The following ARHGAP15 variants were observed in gnomAD, a reference collection of about 807,000 sequenced individuals.
ARHGAP15 encodes Rho GTPase activating protein 15.
Under a neutral mutation model 63.7 loss-of-function variants are expected in ARHGAP15, and 51 were observed. The observed-to-expected ratio is 0.80, with a 90% CI of 0.64 to 1.01. The LOEUF is 1.01. Ranked by LOEUF, ARHGAP15 falls within the 50% of genes least tolerant of loss-of-function variation. The pLI is 0.00. For synonymous variants in ARHGAP15, 191 were observed against 193.8 expected (o/e 0.99, Z 0.12); for missense variants, 560 against 564.6 (o/e 0.99, Z 0.08).
intron 6 of ARHGAP15, among the ~76,000 whole-genome samples, chr2:143,320,407 C>CCCG (rs1558890268): frequency 6.9e-4 from 27 of 39,046 alleles, no homozygotes; most frequent in African/African-American, 1.9e-3. Context: ...AGGACTTCCC[C>CCCG]ACCCCCCCCC....
chr2:143,276,064 C>T lies in ARHGAP15; in HGVS notation c.474+25464C>T, dbSNP rs568504779. Among the ~76,000 whole-genome samples, 13 of 152,340 alleles carry T rather than the reference C, an allele frequency of 8.5e-5. No homozygotes were observed. In the East Asian group the frequency reaches 2.5e-3, roughly 29 times the overall value. ...CTTCCTTGACTTCCATAGCGAGAAT[C>T]GTTCTTCCCACCTCTACTCTTCTGT... On this transcript the variant is annotated intron_variant, in intron 6 of 13. Coordinates refer to ENST00000295095, the MANE Select transcript of ARHGAP15 (RefSeq NM_018460.4).
At chr2:143,541,808 A>G (rs1316599431) in intron 10 of ARHGAP15, among the ~76,000 whole-genome samples, 1 of 152,202 alleles carries the variant, frequency 6.6e-6, no homozygotes, top group East Asian at 1.9e-4. Flanking sequence ...CCTCCCAGCT[A>G]GGCTACTCAG....
chr2:143,348,595 T>C (rs1241445757), intron 6 of ARHGAP15, among the ~76,000 whole-genome samples: 2 of 152,188 alleles, frequency 1.3e-5, no homozygotes, highest in Non-Finnish European at 2.9e-5. Flanking sequence ...TTAATGCTTA[T>C]GAAGTCATTC....
intron 6 of ARHGAP15, among the ~76,000 whole-genome samples, chr2:143,333,792 G>T (rs1424516474): frequency 6.6e-6 from 1 of 152,100 alleles, no homozygotes; most frequent in African/African-American, 2.4e-5. Flanking sequence ...AGATATAGAA[G>T]AAACAGGAAA....
chr2:143,675,960 T>C (rs1051989797), intron 12 of ARHGAP15, among the ~76,000 whole-genome samples: 2 of 152,228 alleles, frequency 1.3e-5, no homozygotes, highest in Admixed American at 6.5e-5. Flanking sequence ...TCATCTCCAT[T>C]TAAAATTTAT....
chr2:143,426,504 G>T (rs749435824), intron 6 of ARHGAP15, among the ~76,000 whole-genome samples: 1 of 152,070 alleles, frequency 6.6e-6, no homozygotes, highest in Non-Finnish European at 1.5e-5. Context: ...GCTATGCTGC[G>T]AACCGTAGCC....
chr2:143,289,210 GT>G (rs1682265475), intron 6 of ARHGAP15, among the ~76,000 whole-genome samples: 1 of 152,094 alleles, frequency 6.6e-6, no homozygotes, highest in African/African-American at 2.4e-5. Context: ...GTAGTAGTAA[GT>G]TAGGCTAGCA....
chr2:143,666,653 T>A (rs1160635008), intron 12 of ARHGAP15, among the ~76,000 whole-genome samples: 1 of 108,508 alleles, frequency 9.2e-6, no homozygotes, highest in African/African-American at 3.2e-5. Context: ...TGGGAGAAAA[T>A]TTTTGCAACC....
At chr2:143,328,992 T>C (rs900611530) in intron 6 of ARHGAP15, among the ~76,000 whole-genome samples, 6 of 152,218 alleles carry the variant, frequency 3.9e-5, no homozygotes, top group Non-Finnish European at 8.8e-5. Context: ...AATTAAGTTT[T>C]TTAAAAAGTG....
intron 11 of ARHGAP15, among the ~76,000 whole-genome samples, chr2:143,616,111 C>T (rs533278319): frequency 3.9e-5 from 6 of 152,142 alleles, no homozygotes; most frequent in Non-Finnish European, 7.4e-5. Flanking sequence ...GCTACCTAAA[C>T]GAAATATCTA....
At chr2:143,662,104 A>G (rs1681836612) in intron 12 of ARHGAP15, among the ~76,000 whole-genome samples, 1 of 152,184 alleles carries the variant, frequency 6.6e-6, no homozygotes, top group South Asian at 2.1e-4. Flanking sequence ...TGTAGGCTCC[A>G]CCTCTGGGGG....
chr2:143,234,597 A>G lies in ARHGAP15; in HGVS notation c.384+5929A>G, dbSNP rs114587040. On this transcript the variant is annotated intron_variant, in intron 5 of 13. Transcript: ENST00000295095. ...AGCTATCCTGCCACTTCTCAGGGAC[A>G]AGATTGTGCTTCAGTTTTTCTTATT... is the stretch of plus-strand genomic sequence containing the variant. Among the ~76,000 whole-genome samples the G allele has an allele frequency of 8.7e-3, 1,322 of 152,320 alleles. 26 individuals are homozygous for G. Among genetic ancestry groups the G allele is most frequent in the African/African-American group, 0.03 (1,254 of 41,558 alleles).
chr2:143,142,186 A>G (rs927423161), intron 1 of ARHGAP15, among the ~76,000 whole-genome samples: 1 of 152,102 alleles, frequency 6.6e-6, no homozygotes, highest in African/African-American at 2.4e-5. Context: ...TGTGGGTTGA[A>G]TTTGGTTGGC....
chr2:143,160,460 G>A (rs1690246961), intron 2 of ARHGAP15, among the ~76,000 whole-genome samples: 1 of 151,912 alleles, frequency 6.6e-6, no homozygotes, highest in South Asian at 2.1e-4. Context: ...ACACAATAAT[G>A]TGTCTTCCAC....
At chr2:143,549,513 C>T (rs1262911505) in intron 10 of ARHGAP15, among the ~76,000 whole-genome samples, 1 of 152,062 alleles carries the variant, frequency 6.6e-6, no homozygotes, top group Non-Finnish European at 1.5e-5. Flanking sequence ...TTGGAGTCAA[C>T]AAACAAAAAG....
intron 6 of ARHGAP15, among the ~76,000 whole-genome samples, chr2:143,265,509 G>T (rs1680944809): frequency 6.6e-6 from 1 of 152,066 alleles, no homozygotes; most frequent in African/African-American, 2.4e-5. Flanking sequence ...TTTGCTATTT[G>T]TTTCTAAAAG....
At chr2:143,298,767 TATAA>T (rs1463382256) in intron 6 of ARHGAP15, among the ~76,000 whole-genome samples, 2 of 151,946 alleles carry the variant, frequency 1.3e-5, no homozygotes, top group Admixed American at 1.3e-4. Flanking sequence ...ATTTACATAT[TATAA>T]ATTATCAAAG....
intron 9 of ARHGAP15, among the ~76,000 whole-genome samples, chr2:143,498,870 CATA>C (rs1692933426): frequency 6.6e-6 from 1 of 152,132 alleles, no homozygotes; most frequent in Admixed American, 6.5e-5. Flanking sequence ...CTGACAATGC[CATA>C]ATATTTGAAG....
At chr2:143,153,873 T>TCCTCTTCCTCCTCC (rs1689967986) in intron 1 of ARHGAP15, among the ~76,000 whole-genome samples, 3 of 46,844 alleles carry the variant, frequency 6.4e-5, no homozygotes, top group African/African-American at 1.3e-4. Context: ...CCTCCTCCTC[T>TCCTCTTCCTCCTCC]TCCTCCTCCT....
Sources: gnomAD v4.1 joint callset for allele counts (sites outside exome capture counted in the v4.1 genomes callset) on GRCh38, gnomAD v4.1.1 for gene constraint, MANE v1.5 for transcripts, NCBI Gene and HGNC (gene_info 2026-07-23, HGNC 2026-07-21) for gene names.